TNFSF4: variants seen among roughly 807,000 people sequenced by gnomAD.
TNFSF4 encodes the protein tumor necrosis factor ligand superfamily member 4.
In TNFSF4, 4 loss-of-function variants were observed where a neutral mutation model predicts 7.3. That is an observed-to-expected ratio of 0.55 (90% CI 0.27 to 1.25). The LOEUF (loss-of-function observed/expected upper bound fraction) is 1.25, where lower values mean the gene tolerates loss of function less well. Among genes scored for constraint, TNFSF4 ranks in the 50% most tolerant of loss-of-function variants. The pLI is 0.12. For missense variants in TNFSF4, 181 were observed against 208.8 expected, an observed-to-expected ratio of 0.87 and a Z score of 0.82; for synonymous variants, 76 against 83.7, an observed-to-expected ratio of 0.91 and a Z score of 0.50.
downstream of TNFSF4, among the ~76,000 whole-genome samples, chr1:173,180,417 G>A (rs975995217): frequency 3.9e-5 from 6 of 151,964 alleles, no homozygotes; most frequent in South Asian, 1.0e-3. Flanking sequence ...AAATTCAATC[G>A]GTATCTGTGG....
the TNFSF4 span, among the ~76,000 whole-genome samples, chr1:173,275,999 G>A: frequency 1.1e-4 from 17 of 152,124 alleles, no homozygotes; most frequent in African/African-American, 3.4e-4. Context: ...ACTGGTTGCC[G>A]TCAAAAAGAA....
chr1:173,307,828 T>C, the TNFSF4 span, among the ~76,000 whole-genome samples: 1 of 151,924 alleles, frequency 6.6e-6, no homozygotes, highest in East Asian at 1.9e-4. Context: ...GCAAAATATT[T>C]ATGAGAGTTC....
the TNFSF4 span, among the ~76,000 whole-genome samples, chr1:173,425,807 T>C: frequency 6.6e-6 from 1 of 152,232 alleles, no homozygotes; most frequent in African/African-American, 2.4e-5. Context: ...CCATGGACTG[T>C]TCCCACATTC....
the TNFSF4 span, among the ~76,000 whole-genome samples, chr1:173,290,045 G>A: frequency 6.6e-6 from 1 of 151,842 alleles, no homozygotes; most frequent in African/African-American, 2.4e-5. Flanking sequence ...TGAACCACAA[G>A]CAGAATAAAA....
the TNFSF4 span, among the ~76,000 whole-genome samples, chr1:173,375,300 T>C: frequency 2.0e-3 from 302 of 152,162 alleles, 1 homozygote; most frequent in Middle Eastern, 0.017. Context: ...GCCTAGAGAG[T>C]TCCCCTCTGG....
chr1:173,268,183 G>A, the TNFSF4 span, among the ~76,000 whole-genome samples: 4 of 152,072 alleles, frequency 2.6e-5, no homozygotes, highest in African/African-American at 9.7e-5. Flanking sequence ...GAGCAAAAAT[G>A]GTAACAGGAG....
chr1:173,313,840 G>A, the TNFSF4 span, among the ~76,000 whole-genome samples: 1 of 152,012 alleles, frequency 6.6e-6, no homozygotes, highest in East Asian at 1.9e-4. Context: ...CTTATTGTAT[G>A]TAAATAGTAA....
chr1:173,322,511 T>A, the TNFSF4 span, among the ~76,000 whole-genome samples: 1 of 152,112 alleles, frequency 6.6e-6, no homozygotes, highest in Non-Finnish European at 1.5e-5. Flanking sequence ...ACCGGGTTCA[T>A]CTCACTGGGG....
chr1:173,306,008 A>G, the TNFSF4 span, among the ~76,000 whole-genome samples: 25 of 151,882 alleles, frequency 1.6e-4, no homozygotes, highest in Non-Finnish European at 3.2e-4. Context: ...TAGGTTTTCT[A>G]ATCACTCTCA....
Position 173,186,847 on chromosome 1 carries a change from C to T in TNFSF4, c.221G>A (p.Gly74Asp). 1 of 1,598,488 alleles carries T rather than the reference C, an allele frequency of 6.3e-7. No homozygotes were observed. The highest frequency in any genetic ancestry group is 8.5e-7 in the Non-Finnish European group (1 of 1,171,426). Residue 74 changes from glycine (G) to aspartate (D), a missense_variant, in exon 3 of 3, where the codon GGT becomes GAT. Physicochemically the swap from Gly to Asp is moderately conservative, Grantham distance 94 (BLOSUM62 -1). Coordinates refer to ENST00000281834, the MANE Select transcript of TNFSF4 (RefSeq NM_003326.5). The part of the protein sequence containing the change: ...VQFTEYKKEK[G>D]FILTSQKEDE... ...CTCCTTTTGGGAAGTGAGGATGAAACCTTTCTCCTTCTTATATTCTAGGGA... is the reference window on the plus strand; with the variant it reads ...CTCCTTTTGGGAAGTGAGGATGAAATCTTTCTCCTTCTTATATTCTAGGGA...
the TNFSF4 span, among the ~76,000 whole-genome samples, chr1:173,393,541 A>G: frequency 6.6e-6 from 1 of 152,172 alleles, no homozygotes; most frequent in Non-Finnish European, 1.5e-5. Flanking sequence ...AAGTTCAACT[A>G]TTTATTCCTG....
the TNFSF4 span, among the ~76,000 whole-genome samples, chr1:173,267,972 T>G: frequency 6.6e-6 from 1 of 152,060 alleles, no homozygotes; most frequent in Non-Finnish European, 1.5e-5. Flanking sequence ...ATTTCTCATA[T>G]GAAACCATAG....
chr1:173,300,634 A>G, the TNFSF4 span, among the ~76,000 whole-genome samples: 4 of 151,968 alleles, frequency 2.6e-5, no homozygotes, highest in African/African-American at 9.6e-5. Context: ...AATTTTTTCT[A>G]CCTTTTTCTT....
chr1:173,382,263 G>T, the TNFSF4 span, among the ~76,000 whole-genome samples: 5 of 152,166 alleles, frequency 3.3e-5, no homozygotes, highest in East Asian at 9.7e-4. Flanking sequence ...GCAAAGGTCT[G>T]TGGCTTCACT....
chr1:173,436,433 G>A, the TNFSF4 span, among the ~76,000 whole-genome samples: 8 of 152,170 alleles, frequency 5.3e-5, no homozygotes, highest in East Asian at 1.4e-3. Flanking sequence ...GTTTTGAGAC[G>A]GAGTCTTACT....
At chr1:173,341,782 G>A in the TNFSF4 span, among the ~76,000 whole-genome samples, 9 of 152,166 alleles carry the variant, frequency 5.9e-5, no homozygotes, top group East Asian at 9.7e-4. Flanking sequence ...GTTGGTATGC[G>A]CTCTGATTTT....
the TNFSF4 span, among the ~76,000 whole-genome samples, chr1:173,223,460 A>C: frequency 1.5e-4 from 23 of 152,242 alleles, no homozygotes; most frequent in East Asian, 4.4e-3. Flanking sequence ...CCCCCCAAAA[A>C]AAATAAGCTA....
the TNFSF4 span, among the ~76,000 whole-genome samples, chr1:173,334,036 C>CTATT: frequency 6.6e-6 from 1 of 152,018 alleles, no homozygotes; most frequent in Admixed American, 6.6e-5. Context: ...AGCAAAATTT[C>CTATT]TATTAATTAA....
chr1:173,303,240 T>G, the TNFSF4 span, among the ~76,000 whole-genome samples: 2 of 151,964 alleles, frequency 1.3e-5, no homozygotes, highest in South Asian at 2.1e-4. Context: ...CCCACACATC[T>G]TTCTGCAGCT....
Sources: allele counts gnomAD v4.1 joint callset (sites outside exome capture counted in the v4.1 genomes callset), GRCh38; gene constraint gnomAD v4.1.1; transcripts MANE v1.5; gene names NCBI Gene and HGNC (gene_info 2026-07-23, HGNC 2026-07-21).